SEPTIN12: variants seen among roughly 807,000 people sequenced by gnomAD.
SEPTIN12 encodes the protein septin-12.
A neutral mutation model predicts 37.7 loss-of-function variants in SEPTIN12; 42 were observed. The ratio of observed to expected loss-of-function variants is 1.11; its 90% CI spans 0.87 to 1.44. The LOEUF (loss-of-function observed/expected upper bound fraction) is 1.44, where lower values mean the gene tolerates loss of function less well. Among genes scored for constraint, SEPTIN12 ranks in the 40% most tolerant of loss-of-function variants. The probability of loss-of-function intolerance (pLI) is 0.00; values close to 1 mark genes in which losing one functional copy is unlikely to be tolerated. For missense variants in SEPTIN12, 613 were observed against 479.2 expected (o/e 1.28, Z -2.61); for synonymous variants, 254 against 196.7 (o/e 1.29, Z -2.44).
At chr16:4,786,200 T>C (rs1311868207) in intron 2 of SEPTIN12, 95 bp from the exon 3 acceptor site, 15 of 1,441,494 alleles carry the variant, frequency 1.0e-5, no homozygotes, top group Non-Finnish European at 1.2e-5. Context: ...TGGAGACAGG[T>C]TCTCACTCTG....
At chr16:4,782,793 C>G (rs774800330) in intron 7 of SEPTIN12, among the ~76,000 whole-genome samples, 52 of 151,922 alleles carry the variant, frequency 3.4e-4, no homozygotes, top group Non-Finnish European at 5.1e-4. Context: ...TTAGTAGAGA[C>G]GGGGTTTCGT....
intron 8 of SEPTIN12, among the ~76,000 whole-genome samples, chr16:4,779,399 C>T (rs952994138): frequency 3.3e-5 from 5 of 152,218 alleles, no homozygotes; most frequent in African/African-American, 1.2e-4. Flanking sequence ...TCCGGCCAGC[C>T]ACTAGGGCAG....
upstream of SEPTIN12, among the ~76,000 whole-genome samples, chr16:4,791,045 T>A (rs1410157127): frequency 6.6e-6 from 1 of 152,204 alleles, no homozygotes; most frequent in Non-Finnish European, 1.5e-5. Context: ...ACGTGTGGAC[T>A]GCGTTTGAGC....
intron 7 of SEPTIN12, among the ~76,000 whole-genome samples, chr16:4,782,707 G>A (rs560881943): frequency 4.6e-5 from 7 of 151,228 alleles, no homozygotes; most frequent in African/African-American, 9.7e-5. Context: ...AGATTCAACC[G>A]ATTCTCCTGC....
intron 8 of SEPTIN12, among the ~76,000 whole-genome samples, chr16:4,779,399 C>A (rs952994138): frequency 6.6e-6 from 1 of 152,218 alleles, no homozygotes; most frequent in Non-Finnish European, 1.5e-5. Context: ...TCCGGCCAGC[C>A]ACTAGGGCAG....
chr16:4,790,402 C>G (rs184151342), upstream of SEPTIN12, among the ~76,000 whole-genome samples: 97 of 152,310 alleles, frequency 6.4e-4, 1 homozygote, highest in African/African-American at 2.3e-3. Context: ...GAGCCCCAGG[C>G]CGACTTCTGC....
chr16:4,779,728 C>T lies in SEPTIN12; in HGVS notation c.785G>A (p.Cys262Tyr). 1 of 1,613,946 alleles carries T rather than the reference C, an allele frequency of 6.2e-7. No individual in the cohort carries two copies. The highest frequency in any genetic ancestry group is 1.7e-4 in the Middle Eastern group (1 of 6,048). ...CCACTTGGTCTTCCGGCCCAGGACA[C>T]ACCTCCCGTTCACCAGGTGCTCTTG... Reference protein sequence around the residue: ...ADQEHLVNGRCVLGRKTKWGI... With the variant: ...ADQEHLVNGRYVLGRKTKWGI... The change falls in exon 8 of 10, where the codon TGT becomes TAT. Residue 262 changes from cysteine to tyrosine, a missense_variant. Transcript: ENST00000268231.
chr16:4,780,197 C>G (rs927305150), intron 7 of SEPTIN12, among the ~76,000 whole-genome samples: 6 of 152,042 alleles, frequency 3.9e-5, no homozygotes, highest in African/African-American at 1.4e-4. Flanking sequence ...AAGTGATATC[C>G]CCGCCTCAGT....
chr16:4,787,349 C>T (rs1596259502), intron 2 of SEPTIN12, 131 bp downstream of exon 2: 2 of 834,720 alleles, frequency 2.4e-6, no homozygotes, highest in South Asian at 2.8e-5. Context: ...TGACAACATC[C>T]CTGTGAGGTG....
chr16:4,791,766 C>T (rs1350865675), upstream of SEPTIN12, among the ~76,000 whole-genome samples: 2 of 152,146 alleles, frequency 1.3e-5, no homozygotes, highest in Non-Finnish European at 2.9e-5. Flanking sequence ...TGGCTCCCTG[C>T]AACCTCTGCC....
Position 4,786,107 on chromosome 16 carries a change from T to C in SEPTIN12, c.167-2A>G. The C allele has an allele frequency of 1.3e-6, 2 of 1,598,700 alleles. No individual in the cohort carries two copies. Among genetic ancestry groups the C allele is most frequent in the South Asian group, 1.1e-5 (1 of 89,590 alleles). On this transcript the variant is annotated splice_acceptor_variant, in intron 2 of 9. Coordinates refer to ENST00000268231, the MANE Select transcript of SEPTIN12 (RefSeq NM_144605.5). LOFTEE classifies it high-confidence loss of function. The stretch of plus-strand genomic sequence containing the variant: ...TGGACTTGCCCAGCCCGCTTTGCCC[T>C]GGGAGTGGCAACCGGATGACAGCAG...
At chr16:4,782,761 G>A (rs368853389) in intron 7 of SEPTIN12, among the ~76,000 whole-genome samples, 11 of 149,768 alleles carry the variant, frequency 7.3e-5, no homozygotes, top group Admixed American at 4.0e-4. Flanking sequence ...CCACCACCAC[G>A]CCCAGCTGAT....
At chr16:4,784,823 A>T (rs2082417765) in intron 4 of SEPTIN12, among the ~76,000 whole-genome samples, 1 of 150,370 alleles carries the variant, frequency 6.7e-6, no homozygotes, top group Non-Finnish European at 1.5e-5. Flanking sequence ...ATAAAATGAA[A>T]CCAGGGCCAG....
At chr16:4,790,986 G>A (rs1399758250), upstream of SEPTIN12, among the ~76,000 whole-genome samples, 1 of 152,196 alleles carries the variant, frequency 6.6e-6, no homozygotes, top group African/African-American at 2.4e-5. Context: ...TCTCCCATAA[G>A]CAGCTGAGGA....
At chr16:4,781,505 C>T (rs1395616228) in intron 7 of SEPTIN12, among the ~76,000 whole-genome samples, 1 of 152,044 alleles carries the variant, frequency 6.6e-6, no homozygotes, top group African/African-American at 2.4e-5. Context: ...TATAGATTTG[C>T]CTATGCCTAT....
rs2082479294 is a variant in SEPTIN12, at chr16:4,787,638, G to A, written c.8C>T (p.Pro3Leu). ...GCAGGGAGAGGGGGAGCGCCTCAGG[G>A]GGTCCATGGGGGCCAAGGGTTCGAG... MD[P>L]LRRSPSPCLS... Residue 3 changes from proline to leucine, a missense_variant, in exon 2 of 10, where the codon CCC (proline) becomes CTC (leucine). Transcript: ENST00000268231. 3.8e-6 allele frequency: 6 copies of A among 1,576,280 alleles called. No individual in the cohort carries two copies. The highest frequency in any genetic ancestry group is 1.1e-5 in the South Asian group (1 of 89,748).
upstream of SEPTIN12, among the ~76,000 whole-genome samples, chr16:4,789,674 G>C (rs2082520298): frequency 6.6e-6 from 1 of 151,952 alleles, no homozygotes; most frequent in Non-Finnish European, 1.5e-5. Flanking sequence ...GCCCATGCTG[G>C]TCTCAAACTC....
At chr16:4,783,124 G>A (rs980105157) in intron 7 of SEPTIN12, among the ~76,000 whole-genome samples, 5 of 151,860 alleles carry the variant, frequency 3.3e-5, no homozygotes, top group Non-Finnish European at 7.4e-5. Flanking sequence ...GGCCAGGCTG[G>A]TCTCCAACTC....
intron 4 of SEPTIN12, 37 bp downstream of exon 4, chr16:4,785,770 C>T (rs1567569247): frequency 4.8e-6 from 7 of 1,472,962 alleles, no homozygotes; most frequent in Non-Finnish European, 6.6e-6. Context: ...AAGAGTGAAA[C>T]TCTGCCTAAA....
Sources: gnomAD v4.1 joint callset for allele counts (sites outside exome capture counted in the v4.1 genomes callset) on GRCh38, gnomAD v4.1.1 for gene constraint, MANE v1.5 for transcripts, NCBI Gene and HGNC (gene_info 2026-07-23, HGNC 2026-07-21) for gene names.